WDR7: variants seen among roughly 807,000 people sequenced by gnomAD.
WDR7 encodes WD repeat-containing protein 7.
WDR7 carries 46 observed loss-of-function variants against 169.4 expected under a neutral mutation model. The observed-to-expected ratio is 0.27, with a 90% CI of 0.21 to 0.35. The LOEUF is 0.35. Among genes scored for constraint, WDR7 ranks in the 10% least tolerant of loss-of-function variants. WDR7 has a pLI of 1.00. For missense variants in WDR7, 1,534 were observed against 1,859.3 expected (o/e 0.83, Z 3.22); for synonymous variants, 612 against 666.8 (o/e 0.92, Z 1.27).
chr18:56,969,424 C>T (rs1448297402), intron 26 of WDR7, among the ~76,000 whole-genome samples: 1 of 152,186 alleles, frequency 6.6e-6, no homozygotes, highest in Non-Finnish European at 1.5e-5. Flanking sequence ...TAACCCCATT[C>T]GCTGTCATTC....
At chr18:56,861,216 T>C (rs1195999281) in intron 20 of WDR7, among the ~76,000 whole-genome samples, 1 of 152,230 alleles carries the variant, frequency 6.6e-6, no homozygotes, top group Non-Finnish European at 1.5e-5. Context: ...TAATAGCTAT[T>C]CAGAGGCAAT....
At chr18:56,999,832 A>G (rs1388315182) in intron 26 of WDR7, among the ~76,000 whole-genome samples, 1 of 152,160 alleles carries the variant, frequency 6.6e-6, no homozygotes, top group East Asian at 1.9e-4. Flanking sequence ...TAGGACTGCT[A>G]GAAAACCCCC....
At chr18:56,719,661 A>G (rs2026277008) in intron 13 of WDR7, among the ~76,000 whole-genome samples, 2 of 151,552 alleles carry the variant, frequency 1.3e-5, no homozygotes, top group Non-Finnish European at 2.9e-5. Context: ...GCTGAATAGC[A>G]GTCTTGTGTT....
intron 19 of WDR7, among the ~76,000 whole-genome samples, chr18:56,814,099 C>T (rs879351368): frequency 4.6e-5 from 7 of 152,178 alleles, no homozygotes; most frequent in South Asian, 2.1e-4. Flanking sequence ...AAAAGACCTA[C>T]GTCTCAATTC....
intron 20 of WDR7, among the ~76,000 whole-genome samples, chr18:56,837,699 G>A (rs893939512): frequency 3.9e-5 from 6 of 151,962 alleles, no homozygotes; most frequent in East Asian, 1.9e-4. Context: ...CGCTTTTGTC[G>A]CCCAGGTTGG....
intron 13 of WDR7, among the ~76,000 whole-genome samples, chr18:56,719,613 T>C (rs2026275613): frequency 6.6e-6 from 1 of 150,580 alleles, no homozygotes; most frequent in Non-Finnish European, 1.5e-5. Flanking sequence ...TGCAATTTTA[T>C]ATCTTTCTTT....
At chr18:56,800,157 T>C (rs2044648690) in intron 19 of WDR7, among the ~76,000 whole-genome samples, 1 of 152,222 alleles carries the variant, frequency 6.6e-6, no homozygotes, top group African/African-American at 2.4e-5. Flanking sequence ...TGTTTGCAAG[T>C]TAATTCTTTA....
rs189250003 is a variant in WDR7, at chr18:56,663,835, C to A, written c.-19-8662C>A. On this transcript the variant is annotated intron_variant, in intron 1 of 27. Transcript: ENST00000254442. ...GGAATCACACGGAGAAAGGTAATTT[C>A]ATTAAAAAAATTTTAAAGTCATATC... 1.1e-4 allele frequency among the ~76,000 whole-genome samples: 17 copies of A among 151,620 alleles called. No homozygotes were observed. In the East Asian group the frequency reaches 3.1e-3, roughly 28 times the overall value.
At chr18:56,943,832 T>A (rs2047064245) in intron 25 of WDR7, among the ~76,000 whole-genome samples, 1 of 152,078 alleles carries the variant, frequency 6.6e-6, no homozygotes, top group Non-Finnish European at 1.5e-5. Context: ...GTGGTAAACA[T>A]AAAATTATTC....
intron 15 of WDR7, 134 bp from the exon 16 acceptor site, chr18:56,758,731 G>T: frequency 1.7e-6 from 1 of 590,036 alleles, no homozygotes; most frequent in Non-Finnish European, 2.6e-6. Flanking sequence ...AATCTTTCTG[G>T]AATGGTAAAT....
chr18:56,871,582 A>T (rs1279759316), intron 20 of WDR7, among the ~76,000 whole-genome samples: 1 of 152,164 alleles, frequency 6.6e-6, no homozygotes, highest in Non-Finnish European at 1.5e-5. Flanking sequence ...TTTAAAAGTA[A>T]AGAAACACTT....
At chr18:56,916,994 G>A (rs1020536535) in intron 21 of WDR7, among the ~76,000 whole-genome samples, 4 of 151,770 alleles carry the variant, frequency 2.6e-5, no homozygotes, top group Non-Finnish European at 5.9e-5. Context: ...TTAGGAGTTC[G>A]AGACCAGCCT....
intron 21 of WDR7, among the ~76,000 whole-genome samples, chr18:56,880,420 G>A (rs1054046188): frequency 3.3e-5 from 5 of 152,040 alleles, no homozygotes; most frequent in Admixed American, 1.3e-4. Context: ...TGCATTGTTC[G>A]TCAAGATTTT....
chr18:56,931,189 G>T (rs1374810295), intron 22 of WDR7, among the ~76,000 whole-genome samples: 3 of 152,028 alleles, frequency 2.0e-5, no homozygotes, highest in Non-Finnish European at 1.5e-5. Context: ...CGGGTGATCC[G>T]CATAACAGCC....
At chr18:56,762,585 G>A (rs1410107074) in intron 16 of WDR7, among the ~76,000 whole-genome samples, 1 of 151,642 alleles carries the variant, frequency 6.6e-6, no homozygotes, top group Non-Finnish European at 1.5e-5. Context: ...AATCTCTCTG[G>A]TATCTGTAAT....
chr18:56,701,827 C>T (rs2025840862), intron 12 of WDR7, among the ~76,000 whole-genome samples: 2 of 152,186 alleles, frequency 1.3e-5, no homozygotes, highest in South Asian at 4.1e-4. Flanking sequence ...CTCTCCTGTT[C>T]TCCAGCTTTT....
intron 14 of WDR7, 70 bp downstream of exon 14, chr18:56,731,667 C>A: frequency 1.5e-6 from 2 of 1,298,426 alleles, no homozygotes; most frequent in Non-Finnish European, 1.1e-6. Flanking sequence ...ATGGCTTTGG[C>A]ATATCTTAGA....
At chr18:57,015,331 GTTA>G (rs2145925493) in intron 26 of WDR7, among the ~76,000 whole-genome samples, 1 of 152,194 alleles carries the variant, frequency 6.6e-6, no homozygotes, top group East Asian at 1.9e-4. Flanking sequence ...TTTTAATGGC[GTTA>G]TTATCTGCCT....
intron 12 of WDR7, among the ~76,000 whole-genome samples, chr18:56,704,206 C>T (rs900350683): frequency 6.6e-6 from 1 of 151,796 alleles, no homozygotes; most frequent in Non-Finnish European, 1.5e-5. Flanking sequence ...TTTATGTTTT[C>T]CAAATTTGTA....
Sources: gnomAD v4.1 joint callset for allele counts (sites outside exome capture counted in the v4.1 genomes callset) on GRCh38, gnomAD v4.1.1 for gene constraint, MANE v1.5 for transcripts, NCBI Gene and HGNC (gene_info 2026-07-23, HGNC 2026-07-21) for gene names.